Variants in CNOT10 observed in about 807,000 individuals in gnomAD.
CNOT10 encodes CCR4-NOT transcription complex subunit 10.
CNOT10 carries 30 observed loss-of-function variants against 94.6 expected under a neutral mutation model. The ratio of observed to expected loss-of-function variants is 0.32; its 90% confidence interval spans 0.24 to 0.43. The LOEUF is 0.43. CNOT10 is among the 20% of genes least tolerant of loss of function. The pLI, the probability that CNOT10 is intolerant of heterozygous loss-of-function variation, is 1.00. For missense variants in CNOT10, 759 were observed against 877.2 expected, an observed-to-expected ratio of 0.87 and a Z score of 1.70; for synonymous variants, 289 against 301.6, an observed-to-expected ratio of 0.96 and a Z score of 0.43.
At position 32,717,227 on chromosome 3, in the gene CNOT10, C is replaced by A; in HGVS notation, c.734C>A (p.Thr245Lys). 1 of 1,598,752 alleles carries A rather than the reference C, an allele frequency of 6.3e-7. No homozygotes were observed. The highest frequency in any genetic ancestry group is 8.5e-7 in the Non-Finnish European group (1 of 1,169,702). ...CKREIKSVMN[T>K]AGNSAPSLFL... ...AGGGAAATCAAGTCAGTCATGAATACAGCTGGAAATGTAAGTTTCTTCTGG... is the reference window on the plus strand; with the variant it reads ...AGGGAAATCAAGTCAGTCATGAATAAAGCTGGAAATGTAAGTTTCTTCTGG... Residue 245 changes from threonine to lysine, a missense_variant, in exon 7 of 19, where the codon ACA (threonine) becomes AAA (lysine). By Grantham distance (78) the Thr-to-Lys change is moderately conservative. Transcript: ENST00000328834.
chr3:32,733,714 A>G (rs1310986367), intron 11 of CNOT10, among the ~76,000 whole-genome samples, 170 bp downstream of exon 11: 1 of 152,164 alleles, frequency 6.6e-6, no homozygotes, highest in Non-Finnish European at 1.5e-5. Context: ...TCCATAGTGA[A>G]TGTTATCTAA....
At chr3:32,745,005 A>G (rs1471790862) in intron 13 of CNOT10, among the ~76,000 whole-genome samples, 1 of 152,014 alleles carries the variant, frequency 6.6e-6, no homozygotes, top group East Asian at 1.9e-4. Context: ...CTGCCTTCCA[A>G]GTAGCTGGGA....
rs201119069 is a variant in CNOT10 at position 32,687,439 on chromosome 3, G to GTTTTTTTTTTTTTT, written c.22+1969_22+1970insTTTTTTTTTTTTTT. ...TTCTTTCTCCTTTTAAGTCCTCACG[G>GTTTTTTTTTTTTTT]TTTTTTTTTTTTGTTTTTTTTTTTT... On this transcript the variant is annotated intron_variant, in intron 1 of 18. Coordinates refer to ENST00000328834, the MANE Select transcript of CNOT10 (RefSeq NM_015442.3). 5.8e-4 allele frequency among the ~76,000 whole-genome samples: 30 copies of GTTTTTTTTTTTTTT among 51,304 alleles called. 3 individuals are homozygous for GTTTTTTTTTTTTTT. Among genetic ancestry groups the GTTTTTTTTTTTTTT allele is most frequent in the South Asian group, 1.1e-3 (1 of 884 alleles). 33.7% of individuals were successfully genotyped at this position (51,304 alleles called of 152,430 possible). A position where few individuals can be genotyped will look rare whatever the true frequency, so the allele number is the denominator to read the frequency against.
At chr3:32,694,614 C>T (rs1435017995) in intron 1 of CNOT10, among the ~76,000 whole-genome samples, 1 of 151,910 alleles carries the variant, frequency 6.6e-6, no homozygotes, top group Non-Finnish European at 1.5e-5. Context: ...TTTTTTGAGG[C>T]AGTCTTGCTC....
At chr3:32,704,713 T>A in intron 2 of CNOT10, 98 bp from the exon 3 acceptor site, 1 of 1,346,180 alleles carries the variant, frequency 7.4e-7, no homozygotes, top group Non-Finnish European at 1.0e-6. Flanking sequence ...TTTTAAGAAC[T>A]TTTAAGATAA....
intron 8 of CNOT10, among the ~76,000 whole-genome samples, chr3:32,723,013 T>C (rs1274358431): frequency 2.0e-5 from 3 of 152,208 alleles, no homozygotes; most frequent in African/African-American, 7.2e-5. Flanking sequence ...ACAATAAATA[T>C]CCTGATTATT....
chr3:32,685,277 C>T lies in CNOT10; in HGVS notation c.-184C>T. 1.7e-6 allele frequency: 1 copy of T among 590,160 alleles called. No individual in the cohort carries two copies. The allele number at this position is 590,160 out of a possible 1,614,324, so 36.6% of individuals were successfully genotyped here. ...TGGGGAAGCTGTTGCTGTTGCTAGA[C>T]GACGGGAACTAGCTCTCGTCACTTC... On this transcript the variant is annotated 5_prime_UTR_variant, in exon 1 of 19. In the 5' UTR this introduces an upstream ATG that the reference lacks. Transcript: ENST00000328834.
chr3:32,764,247 G>T (rs1700569504), intron 15 of CNOT10: 1 of 517,590 alleles, frequency 1.9e-6, no homozygotes, highest in African/African-American at 2.0e-5. Flanking sequence ...TGAGGCAGGA[G>T]AATCGCTTGA....
At chr3:32,732,437 A>T (rs1447548383) in intron 10 of CNOT10, among the ~76,000 whole-genome samples, 2 of 151,818 alleles carry the variant, frequency 1.3e-5, no homozygotes, top group African/African-American at 4.8e-5. Context: ...AAAATTAGCC[A>T]GTCATGGTGG....
At chr3:32,706,558 A>G (rs1312004776) in intron 3 of CNOT10, among the ~76,000 whole-genome samples, 1 of 152,196 alleles carries the variant, frequency 6.6e-6, no homozygotes, top group East Asian at 1.9e-4. Flanking sequence ...TTAATTAGCA[A>G]ACGTCTAATT....
chr3:32,724,024 G>A (rs1698538793), intron 8 of CNOT10, among the ~76,000 whole-genome samples: 1 of 152,086 alleles, frequency 6.6e-6, no homozygotes, highest in African/African-American at 2.4e-5. Flanking sequence ...ATGCTGCAGT[G>A]AGCCCTAATT....
chr3:32,691,770 T>C (rs1696858290), intron 1 of CNOT10, among the ~76,000 whole-genome samples: 1 of 152,232 alleles, frequency 6.6e-6, no homozygotes, highest in Non-Finnish European at 1.5e-5. Context: ...AAAAATTTCC[T>C]GCCAGCCAGG....
intron 14 of CNOT10, among the ~76,000 whole-genome samples, chr3:32,760,880 G>A (rs1700416025): frequency 6.6e-6 from 1 of 151,592 alleles, no homozygotes; most frequent in African/African-American, 2.4e-5. Flanking sequence ...TGTAATCCCA[G>A]CACTTTGGGA....
chr3:32,725,416 T>C (rs1698621824), intron 8 of CNOT10, 34 bp from the exon 9 acceptor site: 4 of 1,599,886 alleles, frequency 2.5e-6, no homozygotes, highest in Non-Finnish European at 3.4e-6. Context: ...CATTAAAATT[T>C]TTCTGTGGAC....
intron 11 of CNOT10, among the ~76,000 whole-genome samples, chr3:32,733,998 A>G (rs909630934): frequency 2.0e-5 from 3 of 152,198 alleles, no homozygotes; most frequent in African/African-American, 7.2e-5. Context: ...TCACATGTAT[A>G]ATCTTCATTT....
At position 32,700,882 on chromosome 3, in the gene CNOT10, A is replaced by G. The variant is rs547248627; in HGVS notation, c.23-2986A>G. 5.2e-4 allele frequency among the ~76,000 whole-genome samples: 79 copies of G among 152,330 alleles called. No homozygotes were observed. In the Middle Eastern group the frequency reaches 0.01, roughly 20 times the overall value. On this transcript the variant is annotated intron_variant, in intron 1 of 18. Transcript: ENST00000328834. ...GTGCATGGAGCTTTTGCTGGTGAGT[A>G]GAACCAAGAAACAGAATATTCTTTG...
At chr3:32,688,858 T>C (rs576597410) in intron 1 of CNOT10, among the ~76,000 whole-genome samples, 1 of 152,162 alleles carries the variant, frequency 6.6e-6, no homozygotes, top group East Asian at 1.9e-4. Flanking sequence ...AAGGCTGCAG[T>C]GAGCTTTGAT....
In CNOT10 at chr3:32,685,433, AG is replaced by A; in HGVS notation, c.-25del. 1 of 1,550,176 alleles carries A rather than the reference AG, an allele frequency of 6.5e-7. No individual in the cohort carries two copies. The highest frequency in any genetic ancestry group is 8.7e-7 in the Non-Finnish European group (1 of 1,146,724). The stretch of plus-strand genomic sequence containing the variant: ...CGGGAGTCAGGGCCACGCCACCTGC[AG>A]GGAAGAACCCGAGTCGAAGCGGGAA... On this transcript the variant is annotated 5_prime_UTR_variant, in exon 1 of 19. Coordinates refer to ENST00000328834, the MANE Select transcript of CNOT10 (RefSeq NM_015442.3).
intron 13 of CNOT10, among the ~76,000 whole-genome samples, chr3:32,754,413 C>G (rs1374551929): frequency 7.8e-6 from 1 of 127,544 alleles, no homozygotes. Context: ...GGAGGCGGAG[C>G]TTGCAGTGAG....
Sources: gnomAD v4.1 joint callset for allele counts (sites outside exome capture counted in the v4.1 genomes callset) on GRCh38, gnomAD v4.1.1 for gene constraint, MANE v1.5 for transcripts, NCBI Gene and HGNC (gene_info 2026-07-23, HGNC 2026-07-21) for gene names.